Variants in TP63 observed in about 807,000 individuals in gnomAD.
TP63 encodes tumor protein 63.
In TP63, 17 loss-of-function variants were observed where a neutral mutation model predicts 82.8. The ratio of observed to expected loss-of-function variants is 0.21; its 90% CI spans 0.14 to 0.31. TP63 has a LOEUF of 0.31. Among genes scored for constraint, TP63 ranks in the 10% least tolerant of loss-of-function variants. TP63 has a pLI of 1.00. For synonymous variants in TP63, 330 were observed against 321.7 expected (o/e 1.03, Z -0.28); for missense variants, 648 against 895.3 (o/e 0.72, Z 3.52).
chr3:189,751,647 A>T (rs969889920), intron 3 of TP63, among the ~76,000 whole-genome samples: 2 of 151,748 alleles, frequency 1.3e-5, no homozygotes, highest in African/African-American at 4.8e-5. Flanking sequence ...CATATCCTTC[A>T]CCCACTTTTT....
chr3:189,744,156 G>C (rs1308382103), intron 3 of TP63, among the ~76,000 whole-genome samples: 1 of 152,130 alleles, frequency 6.6e-6, no homozygotes, highest in Non-Finnish European at 1.5e-5. Flanking sequence ...GCTGAGGCAA[G>C]AGCCACAGTC....
In TP63 at chr3:189,649,433, G is replaced by A. The variant is rs556309536; in HGVS notation, c.62+17856G>A. On this transcript the variant is annotated intron_variant, in intron 1 of 13. Coordinates refer to ENST00000264731, the MANE Select transcript of TP63 (RefSeq NM_003722.5). ...TGGAAACTAAATGATGAGAACGCGT[G>A]GACACAGAAATGGAAACAACAGACA... Among the ~76,000 whole-genome samples, 4 of 146,470 alleles carry A rather than the reference G, an allele frequency of 2.7e-5. 1 individual carries two copies. Among genetic ancestry groups the A allele is most frequent in the African/African-American group, 1.0e-4 (4 of 39,006 alleles).
chr3:189,708,625 A>G (rs1009314251), intron 1 of TP63, among the ~76,000 whole-genome samples: 1 of 152,118 alleles, frequency 6.6e-6, no homozygotes, highest in Non-Finnish European at 1.5e-5. Context: ...TTGTAAAGGG[A>G]AGCACGTGCA....
At chr3:189,852,791 A>T (rs1008981118) in intron 4 of TP63, among the ~76,000 whole-genome samples, 2 of 152,162 alleles carry the variant, frequency 1.3e-5, no homozygotes, top group Admixed American at 1.3e-4. Flanking sequence ...AAGGCTCCTC[A>T]GAATCTGGTA....
intron 4 of TP63, among the ~76,000 whole-genome samples, chr3:189,822,101 C>G (rs373878265): frequency 1.3e-5 from 2 of 152,130 alleles, no homozygotes; most frequent in African/African-American, 4.8e-5. Flanking sequence ...GCTTCCTCAC[C>G]TTTCAAATAG....
intron 1 of TP63, among the ~76,000 whole-genome samples, chr3:189,728,159 T>G (rs1335867391): frequency 7.5e-6 from 1 of 133,352 alleles, no homozygotes; most frequent in African/African-American, 3.1e-5. Context: ...AAAATCCCTA[T>G]GAGTTTCGTT....
At chr3:189,678,627 A>T (rs549714964) in intron 1 of TP63, among the ~76,000 whole-genome samples, 1 of 151,978 alleles carries the variant, frequency 6.6e-6, no homozygotes, top group Non-Finnish European at 1.5e-5. Flanking sequence ...GAAAAATGAC[A>T]TTGGTATTTT....
In TP63 at chr3:189,896,211, TA is replaced by T; in HGVS notation, c.*1713del. 4.5e-6 allele frequency: 1 copy of T among 221,380 alleles called. No individual in the cohort carries two copies. 13.7% of individuals were successfully genotyped at this position (221,380 alleles called of 1,614,324 possible). Reference sequence around the variant, plus strand: ...AAGTGCAAAAGGGCCAGCGTGGCTCTAAAAGGTAATGTGTGGATTGCCTCTG... The same window carrying T: ...AAGTGCAAAAGGGCCAGCGTGGCTCTAAAGGTAATGTGTGGATTGCCTCTG... On this transcript the variant is annotated 3_prime_UTR_variant, in exon 14 of 14. Coordinates refer to ENST00000264731, the MANE Select transcript of TP63 (RefSeq NM_003722.5).
chr3:189,686,088 T>A (rs751711618), intron 1 of TP63, among the ~76,000 whole-genome samples: 1 of 152,120 alleles, frequency 6.6e-6, no homozygotes, highest in Non-Finnish European at 1.5e-5. Flanking sequence ...AATTGTTTGA[T>A]TATGTGGCAG....
At chr3:189,627,644 G>A (rs1433425305), upstream of TP63, among the ~76,000 whole-genome samples, 1 of 152,096 alleles carries the variant, frequency 6.6e-6, no homozygotes, top group African/African-American at 2.4e-5. Context: ...CTTTATAACA[G>A]AAAGTTCTAT....
intron 4 of TP63, among the ~76,000 whole-genome samples, chr3:189,822,469 C>T (rs1032776273): frequency 6.6e-6 from 1 of 152,118 alleles, no homozygotes; most frequent in African/African-American, 2.4e-5. Flanking sequence ...AAACTTATTT[C>T]AACTTTGCAT....
intron 1 of TP63, among the ~76,000 whole-genome samples, chr3:189,682,689 C>A (rs2108697761): frequency 6.6e-6 from 1 of 151,414 alleles, no homozygotes; most frequent in Non-Finnish European, 1.5e-5. Flanking sequence ...CTTAGGAGGT[C>A]TTTCACCATT....
rs796349216 is a variant in TP63, at chr3:189,827,583, G to C, written c.579+19057G>C. ...CCTTCAAGGATAAGCAAAGTCTTGG[G>C]AAAAATAAGAATAGATATTCCAGGT... On this transcript the variant is annotated intron_variant, in intron 4 of 13. Transcript: ENST00000264731. 5.9e-5 allele frequency among the ~76,000 whole-genome samples: 9 copies of C among 152,298 alleles called. No homozygotes were observed. The South Asian group carries it at 1.9e-3, about 32-fold the overall frequency.
At chr3:189,834,575 G>A (rs1216089967) in intron 4 of TP63, among the ~76,000 whole-genome samples, 1 of 152,060 alleles carries the variant, frequency 6.6e-6, no homozygotes, top group African/African-American at 2.4e-5. Flanking sequence ...GTGTACTTGT[G>A]CCATGTATCT....
chr3:189,679,734 G>C (rs1169132904), intron 1 of TP63, among the ~76,000 whole-genome samples: 1 of 152,022 alleles, frequency 6.6e-6, no homozygotes, highest in East Asian at 1.9e-4. Flanking sequence ...ACTTTCTCCT[G>C]TGTTTTCTTT....
intron 1 of TP63, among the ~76,000 whole-genome samples, chr3:189,705,532 A>T (rs1423933887): frequency 6.6e-6 from 1 of 152,016 alleles, no homozygotes. Flanking sequence ...ACACATCCTT[A>T]TGGTGCCTGA....
intron 3 of TP63, among the ~76,000 whole-genome samples, chr3:189,756,317 A>G (rs62279910): frequency 0.16 from 24,265 of 152,118 alleles, 2,074 homozygotes; most frequent in East Asian, 0.3. Flanking sequence ...GTAGCTACCT[A>G]TGTGGCTTAT....
chr3:189,819,907 T>A (rs1022709769), intron 4 of TP63, among the ~76,000 whole-genome samples: 2 of 151,888 alleles, frequency 1.3e-5, no homozygotes, highest in Non-Finnish European at 2.9e-5. Context: ...CGTGACTCCA[T>A]GCCCAGCTAA....
At chr3:189,738,940 C>T (rs4686525) in intron 3 of TP63, 166 bp downstream of exon 3, 1 of 980,902 alleles carries the variant, frequency 1.0e-6, no homozygotes, top group Non-Finnish European at 1.5e-6. Flanking sequence ...GTGGATTATG[C>T]ATTCTGGGTC....
Sources: allele counts gnomAD v4.1 joint callset (sites outside exome capture counted in the v4.1 genomes callset), GRCh38; gene constraint gnomAD v4.1.1; transcripts MANE v1.5; gene names NCBI Gene and HGNC (gene_info 2026-07-23, HGNC 2026-07-21).